The following MRTFB variants were observed in gnomAD, a reference collection of about 807,000 sequenced individuals.
MRTFB encodes the protein myocardin-related transcription factor B.
MRTFB carries 29 observed loss-of-function variants against 104.2 expected under a neutral mutation model. That is an observed-to-expected ratio of 0.28 (90% confidence interval 0.21 to 0.38). The LOEUF (loss-of-function observed/expected upper bound fraction) is 0.38. Among genes scored for constraint, MRTFB ranks in the 10% least tolerant of loss-of-function variants. The pLI is 1.00. For missense variants in MRTFB, 1,270 were observed against 1,341.6 expected, an observed-to-expected ratio of 0.95 and a Z score of 0.83; for synonymous variants, 535 against 519.5, an observed-to-expected ratio of 1.03 and a Z score of -0.41.
chr16:14,004,059 C>T, the MRTFB span, among the ~76,000 whole-genome samples: 1 of 149,002 alleles, frequency 6.7e-6, no homozygotes, highest in Non-Finnish European at 1.5e-5. Context: ...GTTTTGGCAG[C>T]AGAATGGAGG....
intron 3 of MRTFB, chr16:14,186,871 C>T (rs1009596880): frequency 6.3e-7 from 1 of 1,597,658 alleles, no homozygotes; most frequent in Non-Finnish European, 8.5e-7. Flanking sequence ...GCAAATTAAG[C>T]TTTTCTCCTG....
At chr16:14,036,587 T>C in the MRTFB span, among the ~76,000 whole-genome samples, 1 of 150,770 alleles carries the variant, frequency 6.6e-6, no homozygotes, top group African/African-American at 2.4e-5. Context: ...ATATATATGT[T>C]GAAATATATA....
chr16:14,199,492 C>T (rs1401098076), intron 3 of MRTFB, among the ~76,000 whole-genome samples: 2 of 152,188 alleles, frequency 1.3e-5, no homozygotes, highest in East Asian at 1.9e-4. Flanking sequence ...CCTATTCAAA[C>T]ATGCCCAAGA....
the MRTFB span, among the ~76,000 whole-genome samples, chr16:14,029,445 T>TATATATATATACACAC: frequency 1.2e-5 from 1 of 85,954 alleles, no homozygotes; most frequent in South Asian, 3.9e-4. Flanking sequence ...TATATATATA[T>TATATATATATACACAC]ACACACACAC....
chr16:14,237,032 C>A (rs150230573), intron 9 of MRTFB, among the ~76,000 whole-genome samples: 3 of 152,252 alleles, frequency 2.0e-5, no homozygotes, highest in Non-Finnish European at 4.4e-5. Context: ...GCAGTTGCCA[C>A]GTCCTGTAAT....
intron 3 of MRTFB, among the ~76,000 whole-genome samples, chr16:14,206,986 A>G (rs1364783014): frequency 1.3e-5 from 2 of 151,972 alleles, no homozygotes; most frequent in African/African-American, 4.8e-5. Context: ...GTTACTTGCA[A>G]TTCTGCCTCC....
rs1440148198 is a variant in MRTFB at position 14,177,603 on chromosome 16, T to C, written c.155-32640T>C. 1.3e-5 allele frequency among the ~76,000 whole-genome samples: 2 copies of C among 152,094 alleles called. No individual in the cohort carries two copies. The highest frequency in any genetic ancestry group is 2.9e-5 in the Non-Finnish European group (2 of 68,006). ...ACTTTGGGAGGCCACAGCAGGAGGA[T>C]TGCTTCAGCCCAGGAGTTCGAGACC... On this transcript the variant is annotated intron_variant, in intron 3 of 16. Transcript: ENST00000571589. The surrounding 1 kb of genome is among the most constrained non-coding windows in gnomAD (Gnocchi z 4.7).
At chr16:14,053,555 ACCCT>A in the MRTFB span, among the ~76,000 whole-genome samples, 1 of 151,914 alleles carries the variant, frequency 6.6e-6, no homozygotes, top group Non-Finnish European at 1.5e-5. Flanking sequence ...ACATGGTGAA[ACCCT>A]GTCTCTACTA....
In MRTFB at chr16:14,246,920, A is replaced by C. The variant is rs777220248; in HGVS notation, c.1660A>C (p.Ser554Arg). 4 of 1,614,040 alleles carry C rather than the reference A, an allele frequency of 2.5e-6. No individual in the cohort carries two copies. In the East Asian group the frequency reaches 8.9e-5, roughly 36 times the overall value. The change falls in exon 12 of 17, where the codon AGT becomes CGT. Residue 554 changes from serine to arginine, a missense_variant. Physicochemically the swap from Ser to Arg is moderately radical, Grantham distance 110. Transcript: ENST00000571589. ...AATGACAAATAATGAAGACAGTCTGAGTCCCACCAGCAGCACTCTGTCAAA... is the reference window on the plus strand; with the variant it reads ...AATGACAAATAATGAAGACAGTCTGCGTCCCACCAGCAGCACTCTGTCAAA... ...LRMTNNEDSL[S>R]PTSSTLSNLE...
At chr16:14,019,622 A>T in the MRTFB span, among the ~76,000 whole-genome samples, 1 of 152,210 alleles carries the variant, frequency 6.6e-6, no homozygotes, top group Non-Finnish European at 1.5e-5. Context: ...CATACTTGGG[A>T]ATATTCAAGC....
chr16:14,158,973 TAAAA>T (rs397854767), intron 3 of MRTFB, among the ~76,000 whole-genome samples: 1 of 119,910 alleles, frequency 8.3e-6, no homozygotes, highest in Non-Finnish European at 1.9e-5. Flanking sequence ...TCATAAAGAT[TAAAA>T]AAAAAAAAAA....
chr16:14,136,651 A>G (rs558299010), intron 2 of MRTFB, among the ~76,000 whole-genome samples: 1 of 152,344 alleles, frequency 6.6e-6, no homozygotes, highest in African/African-American at 2.4e-5. Context: ...GTAGCCCAGT[A>G]TATTTTAAAA....
the MRTFB span, among the ~76,000 whole-genome samples, chr16:14,005,654 T>G: frequency 6.6e-6 from 1 of 152,114 alleles, no homozygotes; most frequent in Non-Finnish European, 1.5e-5. Context: ...GAACACCAAC[T>G]ATGGGAAAGC....
At chr16:14,021,274 G>A in the MRTFB span, among the ~76,000 whole-genome samples, 1 of 152,188 alleles carries the variant, frequency 6.6e-6, no homozygotes, top group Non-Finnish European at 1.5e-5. Context: ...GTTCTTCGTG[G>A]TTGTAGGACT....
Position 14,261,291 on chromosome 16 carries a change from C to T in MRTFB, c.3147C>T (p.Leu1049=), listed in dbSNP as rs151287236. 30 of 1,614,034 alleles carry T rather than the reference C, an allele frequency of 1.9e-5. No individual in the cohort carries two copies. The African/African-American group carries it at 3.5e-4, about 19-fold the overall frequency. ...CTGCAGGTACTCCCTGTCTGTCTCTCGACCTGTCAGACTCAAACTTGGACA... is the reference window on the plus strand; with the variant it reads ...CTGCAGGTACTCCCTGTCTGTCTCTTGACCTGTCAGACTCAAACTTGGACA... ...QFAAGTPCLS[L]DLSDSNLDNM... The change falls in exon 17 of 17, where the codon CTC becomes CTT. Residue 1049 remains leucine (L), a synonymous_variant. Coordinates refer to ENST00000571589, the MANE Select transcript of MRTFB (RefSeq NM_001308142.2).
chr16:14,135,165 TA>T (rs2037645226), intron 2 of MRTFB, among the ~76,000 whole-genome samples: 1 of 152,196 alleles, frequency 6.6e-6, no homozygotes, highest in Admixed American at 6.5e-5. Flanking sequence ...AGCCCCTCAC[TA>T]CTTATACCTG....
At chr16:14,045,610 G>A in the MRTFB span, among the ~76,000 whole-genome samples, 1 of 152,204 alleles carries the variant, frequency 6.6e-6, no homozygotes, top group South Asian at 2.1e-4. Context: ...AGAATAGAAA[G>A]AACATAGGTT....
At chr16:14,112,659 C>T (rs1459904889) in intron 2 of MRTFB, among the ~76,000 whole-genome samples, 2 of 152,218 alleles carry the variant, frequency 1.3e-5, no homozygotes, top group East Asian at 1.9e-4. Flanking sequence ...GTGACCTGAC[C>T]TCTAGCTGAG....
the MRTFB span, among the ~76,000 whole-genome samples, chr16:14,052,549 A>T: frequency 4.5e-3 from 689 of 151,978 alleles, 6 homozygotes; most frequent in African/African-American, 0.016. Flanking sequence ...GACCAACCTG[A>T]CCAACATGGT....
Sources: allele counts gnomAD v4.1 joint callset (sites outside exome capture counted in the v4.1 genomes callset), GRCh38; gene constraint gnomAD v4.1.1; non-coding constraint Gnocchi (gnomAD v3.1); transcripts MANE v1.5; gene names NCBI Gene and HGNC (gene_info 2026-07-23, HGNC 2026-07-21).